The following CTNNA2 variants were observed in gnomAD, a reference collection of about 807,000 sequenced individuals.
CTNNA2 encodes the protein catenin alpha-2.
In CTNNA2, 42 loss-of-function variants were observed where a neutral mutation model predicts 101.0. The observed-to-expected ratio is 0.42, with a 90% confidence interval of 0.32 to 0.54. The LOEUF (loss-of-function observed/expected upper bound fraction) is 0.54. Ranked by LOEUF, CTNNA2 falls within the 20% of genes least tolerant of loss-of-function variation. CTNNA2 has a pLI of 0.14. For synonymous variants in CTNNA2, 450 were observed against 456.4 expected (o/e 0.99, Z 0.18); for missense variants, 871 against 1,223.1 (o/e 0.71, Z 4.29).
chr2:80,145,073 C>T (rs143057472), intron 7 of CTNNA2, among the ~76,000 whole-genome samples: 99 of 152,218 alleles, frequency 6.5e-4, no homozygotes, highest in African/African-American at 2.2e-3. Context: ...GTTCTAGAAG[C>T]TATGGATACA....
chr2:80,413,522 C>A (rs1251399996), intron 8 of CTNNA2, among the ~76,000 whole-genome samples: 3 of 152,230 alleles, frequency 2.0e-5, no homozygotes, highest in Non-Finnish European at 4.4e-5. Context: ...ATGAAGAGTG[C>A]CTTCATTACC....
intron 7 of CTNNA2, among the ~76,000 whole-genome samples, chr2:79,983,533 T>C (rs923491831): frequency 2.2e-4 from 33 of 152,112 alleles, no homozygotes; most frequent in African/African-American, 7.7e-4. Flanking sequence ...TAAAACTCAC[T>C]TGGAAATGTG....
intron 16 of CTNNA2, among the ~76,000 whole-genome samples, chr2:80,607,475 A>T (rs1011225845): frequency 9.2e-5 from 14 of 151,820 alleles, no homozygotes; most frequent in African/African-American, 3.4e-4. Context: ...TCATAATGAA[A>T]ATCCAAACTC....
chr2:80,445,131 A>T (rs898923497), intron 9 of CTNNA2, among the ~76,000 whole-genome samples: 27 of 151,926 alleles, frequency 1.8e-4, no homozygotes, highest in African/African-American at 6.3e-4. Context: ...TTTAGGTTTT[A>T]TGTTTGTCTC....
At chr2:79,724,329 A>G (rs971036816) in intron 2 of CTNNA2, among the ~76,000 whole-genome samples, 8 of 151,956 alleles carry the variant, frequency 5.3e-5, no homozygotes, top group Non-Finnish European at 1.0e-4. Context: ...AGAAGACCCC[A>G]AAATGCGTGT....
intron 3 of CTNNA2, among the ~76,000 whole-genome samples, chr2:79,848,400 C>CA (rs1293983477): frequency 1.3e-5 from 2 of 152,186 alleles, no homozygotes; most frequent in African/African-American, 4.8e-5. Context: ...CATTCAAGGC[C>CA]AAAACAATAA....
At chr2:80,644,685 G>A (rs982546757) in intron 18 of CTNNA2, among the ~76,000 whole-genome samples, 1 of 152,086 alleles carries the variant, frequency 6.6e-6, no homozygotes, top group Non-Finnish European at 1.5e-5. Flanking sequence ...GTCAAATTTT[G>A]TATTAACTTT....
chr2:79,748,010 A>G (rs1671757270), intron 3 of CTNNA2, among the ~76,000 whole-genome samples: 1 of 152,190 alleles, frequency 6.6e-6, no homozygotes, highest in Admixed American at 6.5e-5. Flanking sequence ...TTTTCCATAC[A>G]CTGCACATGC....
chr2:80,123,665 C>T (rs2148882417), intron 7 of CTNNA2, among the ~76,000 whole-genome samples: 1 of 152,232 alleles, frequency 6.6e-6, no homozygotes, highest in East Asian at 1.9e-4. Context: ...GCTTTCCTTC[C>T]TATTTTTGTG....
At chr2:79,619,136 G>A (rs967593238) in intron 1 of CTNNA2, among the ~76,000 whole-genome samples, 2 of 152,216 alleles carry the variant, frequency 1.3e-5, no homozygotes, top group African/African-American at 4.8e-5. Flanking sequence ...AGCCTGGGAG[G>A]CGGAGGTTGC....
chr2:79,563,187 ATT>A (rs59729866), intron 1 of CTNNA2, among the ~76,000 whole-genome samples: 1,786 of 31,716 alleles, frequency 0.056, 31 homozygotes, highest in East Asian at 0.13. Flanking sequence ...ATATATATAT[ATT>A]TTCCTTCATT....
chr2:79,639,608 G>A (rs1573543649), intron 1 of CTNNA2, among the ~76,000 whole-genome samples: 1 of 151,906 alleles, frequency 6.6e-6, no homozygotes, highest in East Asian at 1.9e-4. Flanking sequence ...TAACTTTTAA[G>A]TAAAGATATC....
At chr2:80,025,502 G>A (rs916803022) in intron 7 of CTNNA2, among the ~76,000 whole-genome samples, 3 of 152,202 alleles carry the variant, frequency 2.0e-5, no homozygotes, top group African/African-American at 7.2e-5. Flanking sequence ...GGAAAAGGGA[G>A]CAGCTCATGC....
At chr2:79,194,223 G>A (rs966763420) in intron 1 of CTNNA2, among the ~76,000 whole-genome samples, 1 of 152,162 alleles carries the variant, frequency 6.6e-6, no homozygotes, top group Admixed American at 6.5e-5. Flanking sequence ...TTTTTGAGCT[G>A]CTGTGAATAA....
chr2:79,682,455 A>G (rs377367730), intron 2 of CTNNA2, among the ~76,000 whole-genome samples: 209 of 150,982 alleles, frequency 1.4e-3, no homozygotes, highest in African/African-American at 4.7e-3. Flanking sequence ...ATCTGAATCT[A>G]TATTGGTTTG....
At chr2:79,278,349 A>T (rs933062925) in intron 2 of CTNNA2, among the ~76,000 whole-genome samples, 1 of 152,128 alleles carries the variant, frequency 6.6e-6, no homozygotes, top group Non-Finnish European at 1.5e-5. Flanking sequence ...ACGGGGAAGA[A>T]GGAGCGAGCA....
intron 2 of CTNNA2, among the ~76,000 whole-genome samples, chr2:79,667,816 G>T (rs1682528334): frequency 6.6e-6 from 1 of 152,188 alleles, no homozygotes; most frequent in Non-Finnish European, 1.5e-5. Flanking sequence ...AATGTATTCA[G>T]GTTTGCACAG....
chr2:79,938,103 C>A (rs1482846730), intron 7 of CTNNA2, among the ~76,000 whole-genome samples: 2 of 152,150 alleles, frequency 1.3e-5, no homozygotes, highest in Non-Finnish European at 2.9e-5. Flanking sequence ...GGTTTTCCCT[C>A]AAAAATGGCA....
At chr2:80,080,999 T>C (rs1482705414) in intron 7 of CTNNA2, among the ~76,000 whole-genome samples, 1 of 137,018 alleles carries the variant, frequency 7.3e-6, no homozygotes, top group African/African-American at 2.8e-5. Flanking sequence ...TGCAGATACA[T>C]GGGACATACT....
Sources: gnomAD v4.1 joint callset for allele counts (sites outside exome capture counted in the v4.1 genomes callset) on GRCh38, gnomAD v4.1.1 for gene constraint, MANE v1.5 for transcripts, NCBI Gene and HGNC (gene_info 2026-07-23, HGNC 2026-07-21) for gene names.